ROBO1: variants seen among roughly 807,000 people sequenced by gnomAD.
ROBO1 encodes roundabout guidance receptor 1, also known as roundabout homolog 1.
ROBO1 carries 149 observed loss-of-function variants against 195.9 expected under a neutral mutation model. That is an observed-to-expected ratio of 0.76 (90% CI 0.67 to 0.87). The LOEUF (loss-of-function observed/expected upper bound fraction) is 0.87. ROBO1 is among the 40% of genes least tolerant of loss of function. The pLI, the probability that ROBO1 is intolerant of heterozygous loss-of-function variation, is 0.00. For synonymous variants in ROBO1, 816 were observed against 733.2 expected (o/e 1.11, Z -1.82); for missense variants, 1,933 against 2,068.3 (o/e 0.93, Z 1.27).
At chr3:78,816,061 ATTGTTGTAGAGATGACAG>A (rs937652670) in intron 4 of ROBO1, among the ~76,000 whole-genome samples, 5 of 152,152 alleles carry the variant, frequency 3.3e-5, no homozygotes, top group Non-Finnish European at 7.4e-5. Context: ...CAAGACTTTC[ATTGTTGTAGAGATGACAG>A]TGCCTGGCTT....
At chr3:78,685,123 A>G (rs1009441908) in intron 10 of ROBO1, among the ~76,000 whole-genome samples, 1 of 152,110 alleles carries the variant, frequency 6.6e-6, no homozygotes, top group Non-Finnish European at 1.5e-5. Context: ...TGTATATGAA[A>G]TAAGATATGA....
At chr3:79,589,745 A>G in intron 2 of ROBO1, 79 bp downstream of exon 2, 3 of 1,161,462 alleles carry the variant, frequency 2.6e-6, no homozygotes, top group Non-Finnish European at 3.8e-6. Flanking sequence ...TTGATTTGCA[A>G]CACACACAAT....
At chr3:78,796,489 G>A (rs73848602) in intron 4 of ROBO1, among the ~76,000 whole-genome samples, 29,714 of 125,148 alleles carry the variant, frequency 0.24, 3,820 homozygotes, top group Non-Finnish European at 0.26. Context: ...TTTGATGTAA[G>A]AGCCAGCTGG....
At chr3:79,279,290 A>C (rs2031313091) in intron 2 of ROBO1, among the ~76,000 whole-genome samples, 2 of 152,006 alleles carry the variant, frequency 1.3e-5, no homozygotes, top group South Asian at 2.1e-4. Context: ...AACAAACAAA[A>C]AAACAAAAAC....
chr3:79,748,941 C>A (rs7613311), intron 1 of ROBO1, among the ~76,000 whole-genome samples: 63,954 of 151,948 alleles, frequency 0.42, 13,661 homozygotes, highest in African/African-American at 0.47. Flanking sequence ...ACAGTGGGGT[C>A]CTGCTGAAAA....
At chr3:79,700,305 G>C (rs28836178) in intron 1 of ROBO1, among the ~76,000 whole-genome samples, 1 of 114,996 alleles carries the variant, frequency 8.7e-6, no homozygotes, top group South Asian at 3.2e-4. Context: ...GTGTGTGTTT[G>C]TGTGTGTGTG....
intron 1 of ROBO1, among the ~76,000 whole-genome samples, chr3:79,677,511 A>G (rs1946820284): frequency 1.3e-5 from 2 of 152,048 alleles, no homozygotes; most frequent in African/African-American, 4.8e-5. Context: ...ATGTTATGAG[A>G]CTTATTCACT....
Position 78,614,681 on chromosome 3 carries a change from G to GC in ROBO1, c.4401dup (p.Pro1468AlafsTer12). On this transcript the variant is annotated frameshift_variant, in exon 28 of 31. Transcript: ENST00000464233. LOFTEE classifies it high-confidence loss of function. ...TAGGTTTCTCTGCGCAGATGTCCTG[G>GC]CTGGTGTTTCAGTTTCTTGGCTGGT... 6.2e-7 allele frequency: 1 copy of GC among 1,613,722 alleles called. No homozygotes were observed. Among genetic ancestry groups the GC allele is most frequent in the Non-Finnish European group, 8.5e-7 (1 of 1,179,814 alleles).
chr3:79,007,794 T>C (rs1277245535), intron 3 of ROBO1, among the ~76,000 whole-genome samples: 1 of 152,232 alleles, frequency 6.6e-6, no homozygotes, highest in Non-Finnish European at 1.5e-5. Context: ...TCATCATGCA[T>C]ACCTCTATTA....
At chr3:78,830,686 CACG>C (rs2032092873) in intron 4 of ROBO1, among the ~76,000 whole-genome samples, 1 of 152,146 alleles carries the variant, frequency 6.6e-6, no homozygotes, top group Non-Finnish European at 1.5e-5. Flanking sequence ...GGCTCCCTCC[CACG>C]ACATGTGGGG....
intron 4 of ROBO1, among the ~76,000 whole-genome samples, chr3:78,836,997 C>G (rs75318129): frequency 1.4e-3 from 210 of 152,232 alleles, no homozygotes; most frequent in African/African-American, 5.0e-3. Flanking sequence ...CTCATCACAT[C>G]TTCAGGCCTA....
At chr3:79,328,557 T>A (rs374712365) in intron 2 of ROBO1, among the ~76,000 whole-genome samples, 31 of 152,202 alleles carry the variant, frequency 2.0e-4, no homozygotes, top group African/African-American at 7.2e-4. Flanking sequence ...AATACAATTT[T>A]ATGCACATAA....
chr3:78,934,145 AAT>A (rs2039674393), intron 4 of ROBO1, among the ~76,000 whole-genome samples: 1 of 151,992 alleles, frequency 6.6e-6, no homozygotes, highest in African/African-American at 2.4e-5. Context: ...GTCTAACCAT[AAT>A]GGAAGTAAAG....
intron 3 of ROBO1, 86 bp downstream of exon 3, chr3:79,125,370 C>T (rs1361268694): frequency 7.5e-6 from 8 of 1,066,192 alleles, no homozygotes; most frequent in East Asian, 2.5e-5. Context: ...AGGGATGATT[C>T]GATTAATTTT....
intron 3 of ROBO1, among the ~76,000 whole-genome samples, chr3:79,060,176 TG>T (rs1482230095): frequency 6.6e-6 from 1 of 151,954 alleles, no homozygotes; most frequent in African/African-American, 2.4e-5. Context: ...TCCAGCCTGG[TG>T]AAATTTTAGT....
rs1167206000 is a variant in ROBO1, at chr3:79,204,309, C to A, written c.89-78770G>T. On this transcript the variant is annotated intron_variant, in intron 2 of 30. Transcript: ENST00000464233. The stretch of plus-strand genomic sequence containing the variant: ...CCGACTGAACTATCAAATATCAGAA[C>A]TTATTTCTTTTATCTAACTGTACAG... Among the ~76,000 whole-genome samples the A allele has an allele frequency of 4.6e-5, 7 of 151,844 alleles. No individual in the cohort carries two copies. The East Asian group carries it at 7.7e-4, about 17-fold the overall frequency.
intron 2 of ROBO1, among the ~76,000 whole-genome samples, chr3:79,164,876 C>T (rs1039442277): frequency 2.0e-5 from 3 of 152,160 alleles, no homozygotes; most frequent in Non-Finnish European, 2.9e-5. Context: ...AACTGCATGG[C>T]TTATTTATTG....
At chr3:79,161,122 T>C (rs2080955230) in intron 2 of ROBO1, among the ~76,000 whole-genome samples, 1 of 152,014 alleles carries the variant, frequency 6.6e-6, no homozygotes, top group South Asian at 2.1e-4. Context: ...AGGAGCCTGC[T>C]ACAAAACAAT....
chr3:79,170,318 G>A (rs1354716661), intron 2 of ROBO1, among the ~76,000 whole-genome samples: 3 of 152,102 alleles, frequency 2.0e-5, no homozygotes, highest in Non-Finnish European at 2.9e-5. Flanking sequence ...AGAGGCCATG[G>A]TGTGCTACTT....
Sources: gnomAD v4.1 joint callset for allele counts (sites outside exome capture counted in the v4.1 genomes callset) on GRCh38, gnomAD v4.1.1 for gene constraint, MANE v1.5 for transcripts, NCBI Gene and HGNC (gene_info 2026-07-23, HGNC 2026-07-21) for gene names.